AFF2: variants seen among roughly 807,000 people sequenced by gnomAD.
The protein encoded by AFF2 is ALF transcription elongation factor 2, also known as AF4/FMR2 family member 2.
In AFF2, 14 loss-of-function variants were observed where a neutral mutation model predicts 76.9. The ratio of observed to expected loss-of-function variants is 0.18; its 90% CI spans 0.12 to 0.28. The LOEUF (loss-of-function observed/expected upper bound fraction) is 0.28, where lower values mean the gene tolerates loss of function less well. Among genes scored for constraint, AFF2 ranks in the 10% least tolerant of loss-of-function variants. AFF2 has a pLI of 1.00. For synonymous variants in AFF2, 398 were observed against 366.7 expected (o/e 1.09, Z -0.98); for missense variants, 868 against 1,001.1 (o/e 0.87, Z 1.79).
At chrX:148,557,966 G>A (rs2053070324) in intron 1 of AFF2, among the ~76,000 whole-genome samples, 1 of 111,748 alleles carries the variant, frequency 8.9e-6, no homozygotes, top group Non-Finnish European at 1.9e-5. Context: ...AAAATGCTGA[G>A]CTGGGATGAA....
At chrX:148,976,322 T>C (rs1222642483) in intron 16 of AFF2, among the ~76,000 whole-genome samples, 1 of 112,485 alleles carries the variant, frequency 8.9e-6, no homozygotes, top group African/African-American at 3.2e-5. Context: ...ACATTGACAT[T>C]GAAACACTCC....
chrX:148,756,325 G>A (rs5980587), intron 3 of AFF2, among the ~76,000 whole-genome samples: 3,005 of 112,383 alleles, frequency 0.027, 114 homozygotes, highest in African/African-American at 0.092. Flanking sequence ...AGAACAGTTA[G>A]CAAATTAATA....
chrX:148,545,824 G>A (rs1557238086), intron 1 of AFF2, among the ~76,000 whole-genome samples: 1 of 111,075 alleles, frequency 9.0e-6, no homozygotes, highest in African/African-American at 3.3e-5. Flanking sequence ...TGATTCACTG[G>A]GTCTGGGGTG....
At chrX:148,834,505 A>ATGTGTGTGTGTG (rs61709112) in intron 4 of AFF2, among the ~76,000 whole-genome samples, 8 of 91,707 alleles carry the variant, frequency 8.7e-5, no homozygotes, top group African/African-American at 2.0e-4. Flanking sequence ...CCAGTCTCAG[A>ATGTGTGTGTGTG]TGTGTGTGTG....
chrX:148,575,513 G>A (rs2053278370), intron 1 of AFF2, among the ~76,000 whole-genome samples: 1 of 111,192 alleles, frequency 9.0e-6, no homozygotes, highest in Non-Finnish European at 1.9e-5. Flanking sequence ...ACATTATTTT[G>A]AAATTTGATT....
At chrX:148,694,992 CT>C (rs1191624721) in intron 3 of AFF2, among the ~76,000 whole-genome samples, 7 of 108,450 alleles carry the variant, frequency 6.5e-5, no homozygotes, top group African/African-American at 2.4e-4. Context: ...ATTTTTTTGT[CT>C]TTAGTAGAGA....
chrX:148,591,675 T>C (rs2053523412), intron 1 of AFF2, among the ~76,000 whole-genome samples: 1 of 112,324 alleles, frequency 8.9e-6, no homozygotes, highest in Admixed American at 9.4e-5. Flanking sequence ...AAATTTCCTT[T>C]TCTGAGAGGG....
At chrX:148,773,110 A>G (rs975012569) in intron 3 of AFF2, among the ~76,000 whole-genome samples, 3 of 111,594 alleles carry the variant, frequency 2.7e-5, no homozygotes, top group African/African-American at 9.8e-5. Context: ...AACAAAAAAT[A>G]TATTGCATTT....
At chrX:148,621,337 G>A (rs988721728) in intron 1 of AFF2, among the ~76,000 whole-genome samples, 9 of 110,711 alleles carry the variant, frequency 8.1e-5, no homozygotes, top group Non-Finnish European at 1.7e-4. Flanking sequence ...TTGGAGTATT[G>A]GATGACTTAT....
intron 5 of AFF2, among the ~76,000 whole-genome samples, chrX:148,839,921 G>GTGTGTGTT (rs2070577153): frequency 9.4e-6 from 1 of 106,031 alleles, no homozygotes; most frequent in African/African-American, 3.7e-5. Flanking sequence ...GTGTGTGTGT[G>GTGTGTGTT]TGTGTGTGTG....
At position 148,926,459 on chromosome X, in the gene AFF2, T is replaced by G. The variant is rs2071651886; in HGVS notation, c.1397+22201T>G. ...TGAGCTCCCTCTCCACCAATGACAG[T>G]GGCCGACTGATGGTATAGTTTAGGA... On this transcript the variant is annotated intron_variant, in intron 9 of 20. Transcript: ENST00000370460. 2.7e-5 allele frequency among the ~76,000 whole-genome samples: 3 copies of G among 111,607 alleles called. No individual in the cohort carries two copies. The Admixed American group carries it at 2.8e-4, about 11-fold the overall frequency.
chrX:148,801,391 C>A (rs1030238973), intron 3 of AFF2, among the ~76,000 whole-genome samples: 6 of 111,817 alleles, frequency 5.4e-5, no homozygotes, highest in Non-Finnish European at 9.4e-5. Context: ...CCTTTCTTTT[C>A]TCTTCCAATT....
At chrX:148,737,486 A>T (rs2055299359) in intron 3 of AFF2, among the ~76,000 whole-genome samples, 1 of 111,956 alleles carries the variant, frequency 8.9e-6, no homozygotes, top group Non-Finnish European at 1.9e-5. Context: ...AACTTTGTTG[A>T]ATTCTTTTAT....
At chrX:148,594,660 C>A (rs2053554806) in intron 1 of AFF2, among the ~76,000 whole-genome samples, 1 of 111,804 alleles carries the variant, frequency 8.9e-6, no homozygotes, top group South Asian at 3.7e-4. Flanking sequence ...AGCTTAGAAT[C>A]AATACAGTTC....
intron 9 of AFF2, among the ~76,000 whole-genome samples, chrX:148,933,783 T>C (rs932057473): frequency 8.9e-6 from 1 of 112,076 alleles, no homozygotes; most frequent in Non-Finnish European, 1.9e-5. Flanking sequence ...ATGGAAATAT[T>C]TAAATAATTT....
At chrX:148,628,518 T>C (rs1271857906) in intron 1 of AFF2, among the ~76,000 whole-genome samples, 1 of 109,173 alleles carries the variant, frequency 9.2e-6, no homozygotes, top group Non-Finnish European at 1.9e-5. Flanking sequence ...GGTTACTTCT[T>C]GTGTTGAACA....
intron 1 of AFF2, among the ~76,000 whole-genome samples, chrX:148,501,575 A>C (rs2052352105): frequency 8.8e-6 from 1 of 113,226 alleles, no homozygotes; most frequent in Non-Finnish European, 1.9e-5. Context: ...GGCAACGGCC[A>C]GGTGCGGCCA....
In AFF2 at chrX:148,900,341, G is replaced by A. The variant is rs138865456; in HGVS notation, c.1360-3880G>A. ...CCTGGGTTACTTGAGCTTTAGTGCA[G>A]CACAAGGATTCTCTATATAAAAGAA... On this transcript the variant is annotated intron_variant, in intron 8 of 20. Coordinates refer to ENST00000370460, the MANE Select transcript of AFF2 (RefSeq NM_002025.4). Among the ~76,000 whole-genome samples, 61 of 111,249 alleles carry A rather than the reference G, an allele frequency of 5.5e-4. No individual in the cohort carries two copies. The East Asian group carries it at 0.014, about 26-fold the overall frequency.
intron 3 of AFF2, among the ~76,000 whole-genome samples, chrX:148,796,582 A>G (rs1557270481): frequency 1.8e-5 from 2 of 112,063 alleles, no homozygotes; most frequent in African/African-American, 6.5e-5. Flanking sequence ...TATAATTTCA[A>G]TGACTGTCTA....
Sources: allele counts gnomAD v4.1 joint callset (sites outside exome capture counted in the v4.1 genomes callset), GRCh38; gene constraint gnomAD v4.1.1; transcripts MANE v1.5; gene names NCBI Gene and HGNC (gene_info 2026-07-23, HGNC 2026-07-21).